Variants in RBFOX1 observed in about 807,000 individuals in gnomAD.
RBFOX1 encodes the protein RNA binding protein fox-1 homolog 1.
A neutral mutation model predicts 57.7 loss-of-function variants in RBFOX1; 8 were observed. That is an observed-to-expected ratio of 0.14 (90% CI 0.08 to 0.25). The LOEUF is 0.25. Among genes scored for constraint, RBFOX1 ranks in the 10% least tolerant of loss-of-function variants. The pLI, the probability that RBFOX1 is intolerant of heterozygous loss-of-function variation, is 1.00. For missense variants in RBFOX1, 611 were observed against 548.5 expected (o/e 1.11, Z -1.14); for synonymous variants, 326 against 222.4 (o/e 1.47, Z -4.15).
At chr16:5,421,130 G>T (rs930413096) in intron 1 of RBFOX1, among the ~76,000 whole-genome samples, 1 of 151,248 alleles carries the variant, frequency 6.6e-6, no homozygotes, top group African/African-American at 2.4e-5. Flanking sequence ...CCTTAGCCTC[G>T]AGAGTAGCTG....
At chr16:6,798,646 C>A (rs754385590) in intron 3 of RBFOX1, among the ~76,000 whole-genome samples, 1 of 152,164 alleles carries the variant, frequency 6.6e-6, no homozygotes. Context: ...CTGGCCAAAG[C>A]AAATGTGCTT....
intron 3 of RBFOX1, among the ~76,000 whole-genome samples, chr16:6,733,668 AG>A (rs1322519417): frequency 5.3e-5 from 8 of 152,162 alleles, no homozygotes; most frequent in South Asian, 2.1e-4. Context: ...TGAGATGGGC[AG>A]GTCGCATGAG....
intron 2 of RBFOX1, among the ~76,000 whole-genome samples, chr16:6,368,680 C>G (rs563000326): frequency 1.6e-4 from 25 of 152,318 alleles, no homozygotes; most frequent in African/African-American, 5.8e-4. Flanking sequence ...GTCATAGGTT[C>G]ATTCACCATT....
intron 3 of RBFOX1, among the ~76,000 whole-genome samples, chr16:6,807,582 C>T (rs188596846): frequency 3.9e-5 from 6 of 152,138 alleles, no homozygotes; most frequent in Admixed American, 6.5e-5. Flanking sequence ...CTTTGGGAGC[C>T]TGAGGCAGGC....
intron 4 of RBFOX1, among the ~76,000 whole-genome samples, chr16:7,434,458 C>T (rs959016941): frequency 6.6e-6 from 1 of 151,496 alleles, no homozygotes; most frequent in Admixed American, 6.6e-5. Flanking sequence ...GGCGACAGAG[C>T]AAGACTCTGT....
At chr16:7,063,175 C>T (rs2055014472) in intron 4 of RBFOX1, among the ~76,000 whole-genome samples, 1 of 151,920 alleles carries the variant, frequency 6.6e-6, no homozygotes, top group Non-Finnish European at 1.5e-5. Context: ...TAGATGCTTA[C>T]CTGAATTTGT....
intron 5 of RBFOX1, 49 bp downstream of exon 5, chr16:7,518,438 C>T: frequency 1.3e-6 from 2 of 1,559,016 alleles, no homozygotes; most frequent in Non-Finnish European, 1.7e-6. Context: ...GAGGCGCCCC[C>T]AGCCCTGGTA....
At chr16:6,957,488 G>A (rs958703835) in intron 3 of RBFOX1, among the ~76,000 whole-genome samples, 3 of 152,102 alleles carry the variant, frequency 2.0e-5, no homozygotes, top group Admixed American at 6.5e-5. Context: ...ACTTCCTGAC[G>A]TTGCCATGGC....
At chr16:7,653,722 G>A in intron 11 of RBFOX1, 93 bp from the exon 12 acceptor site, 1 of 1,558,256 alleles carries the variant, frequency 6.4e-7, no homozygotes, top group Non-Finnish European at 8.7e-7. Context: ...GGGACCCTGT[G>A]CAGGGACAAG....
intron 4 of RBFOX1, among the ~76,000 whole-genome samples, chr16:5,929,754 A>G (rs2059010520): frequency 6.6e-6 from 1 of 152,190 alleles, no homozygotes; most frequent in Admixed American, 6.5e-5. Context: ...ACACACATGC[A>G]TACCTAGTCA....
intron 4 of RBFOX1, among the ~76,000 whole-genome samples, chr16:7,239,704 A>T (rs2093958407): frequency 1.3e-5 from 2 of 152,232 alleles, no homozygotes; most frequent in East Asian, 3.9e-4. Context: ...TGGGTCTTTG[A>T]TCTAGGCAGT....
intron 1 of RBFOX1, among the ~76,000 whole-genome samples, chr16:5,352,008 G>A (rs1315865756): frequency 2.0e-5 from 3 of 152,110 alleles, no homozygotes; most frequent in African/African-American, 7.2e-5. Context: ...GTTTCACCAT[G>A]TTGGCCAGGC....
At chr16:6,565,281 G>A (rs937751016) in intron 2 of RBFOX1, among the ~76,000 whole-genome samples, 5 of 151,042 alleles carry the variant, frequency 3.3e-5, no homozygotes, top group African/African-American at 1.2e-4. Context: ...GTCTGAGACA[G>A]AGTCTCACTC....
intron 1 of RBFOX1, among the ~76,000 whole-genome samples, chr16:6,197,451 A>G (rs2097187296): frequency 6.6e-6 from 1 of 152,098 alleles, no homozygotes; most frequent in African/African-American, 2.4e-5. Flanking sequence ...CTGCAAGCCA[A>G]CACTGGGTTG....
chr16:7,581,817 C>T (rs115100522), intron 6 of RBFOX1, among the ~76,000 whole-genome samples: 2,219 of 152,082 alleles, frequency 0.015, 59 homozygotes, highest in African/African-American at 0.051. Context: ...CTCAAGGGAT[C>T]CTCCCACCTC....
rs2096254268 is a variant in RBFOX1, at chr16:6,097,103, C to A, written c.-127+77111C>A. 1.3e-5 allele frequency among the ~76,000 whole-genome samples: 2 copies of A among 152,122 alleles called. No individual in the cohort carries two copies. The highest frequency in any genetic ancestry group is 2.9e-5 in the Non-Finnish European group (2 of 68,028). On this transcript the variant is annotated intron_variant, in intron 1 of 15. Transcript: ENST00000550418. This position sits in a 1 kb window ranked among gnomAD's most constrained non-coding sequence, Gnocchi z 5.0. ...TGGTGGTGAGTAAGTCTTACTAGAT[C>A]TGATGGTTTGATAAGGGGAAATCGC...
At position 6,956,322 on chromosome 16, in the gene RBFOX1, C is replaced by G. The variant is rs189602787; in HGVS notation, c.-15-95735C>G. 1.9e-3 allele frequency among the ~76,000 whole-genome samples: 290 copies of G among 152,238 alleles called. 2 individuals are homozygous for G. The highest frequency in any genetic ancestry group is 6.5e-3 in the African/African-American group (272 of 41,542). On this transcript the variant is annotated intron_variant, in intron 3 of 15. Transcript: ENST00000550418. ...GCTAAGGAATCCCCATTCGTCATCTCCCACATTAATTATTCCCCAAAGTAT... is the reference window on the plus strand; with the variant it reads ...GCTAAGGAATCCCCATTCGTCATCTGCCACATTAATTATTCCCCAAAGTAT...
rs559623159 is a variant in RBFOX1, at chr16:7,610,415, A to G, written c.676+3077A>G. Reference sequence around the variant, plus strand: ...TTTAATATTAAAGGTCATGATTCCAATCGACTGTCTCCTATGATCATGCTA... The same window carrying G: ...TTTAATATTAAAGGTCATGATTCCAGTCGACTGTCTCCTATGATCATGCTA... On this transcript the variant is annotated intron_variant, in intron 10 of 15. Transcript: ENST00000550418. Among the ~76,000 whole-genome samples, 18 of 151,696 alleles carry G rather than the reference A, an allele frequency of 1.2e-4. No homozygotes were observed. The East Asian group carries it at 3.1e-3, about 26-fold the overall frequency.
chr16:7,350,094 C>G (rs185964249), intron 4 of RBFOX1, among the ~76,000 whole-genome samples: 5 of 152,114 alleles, frequency 3.3e-5, no homozygotes, highest in Non-Finnish European at 7.4e-5. Context: ...TTGCAGTGAG[C>G]CGAGATCAGG....
Sources: gnomAD v4.1 joint callset for allele counts (sites outside exome capture counted in the v4.1 genomes callset) on GRCh38, gnomAD v4.1.1 for gene constraint, Gnocchi (gnomAD v3.1) non-coding constraint, MANE v1.5 for transcripts, NCBI Gene and HGNC (gene_info 2026-07-23, HGNC 2026-07-21) for gene names.